Variants in ASPH observed in about 807,000 individuals in gnomAD.
The protein encoded by ASPH is aspartate beta-hydroxylase, also known as aspartyl/asparaginyl beta-hydroxylase.
ASPH carries 100 observed loss-of-function variants against 118.4 expected under a neutral mutation model. That is an observed-to-expected ratio of 0.84 (90% CI 0.72 to 1.00). The LOEUF (loss-of-function observed/expected upper bound fraction) is 1.00. Ranked by LOEUF, ASPH falls within the 50% of genes least tolerant of loss-of-function variation. The probability of loss-of-function intolerance (pLI) is 0.00; values close to 1 mark genes in which losing one functional copy is unlikely to be tolerated. For synonymous variants in ASPH, 315 were observed against 325.6 expected, an observed-to-expected ratio of 0.97 and a Z score of 0.35; for missense variants, 920 against 919.5, an observed-to-expected ratio of 1.00 and a Z score of -0.01.
At chr8:61,607,678 G>A (rs1173065058) in intron 14 of ASPH, among the ~76,000 whole-genome samples, 1 of 151,982 alleles carries the variant, frequency 6.6e-6, no homozygotes, top group Non-Finnish European at 1.5e-5. Flanking sequence ...TCGGTCTATG[G>A]CAATGACCCA....
intron 1 of ASPH, among the ~76,000 whole-genome samples, chr8:61,685,127 C>T (rs1230409057): frequency 2.0e-5 from 3 of 152,072 alleles, no homozygotes; most frequent in Non-Finnish European, 4.4e-5. Context: ...GTGATCCTCA[C>T]GGTGTCCTGC....
Position 61,553,137 on chromosome 8 carries a change from G to A in ASPH, c.1537-17C>T, listed in dbSNP as rs1243949352. 2 of 1,546,390 alleles carry A rather than the reference G, an allele frequency of 1.3e-6. No individual in the cohort carries two copies. Among genetic ancestry groups the A allele is most frequent in the Admixed American group, 1.7e-5 (1 of 59,060 alleles). ...TATTCCTTCCTGTAGAAAGGACAGT[G>A]TTAGTATGGGTAAAATAATTAAATA... On this transcript the variant is annotated splice_polypyrimidine_tract_variant and intron_variant, in intron 19 of 24. Transcript: ENST00000379454.
intron 13 of ASPH, among the ~76,000 whole-genome samples, chr8:61,630,341 T>C (rs1311455605): frequency 6.6e-6 from 1 of 152,118 alleles, no homozygotes; most frequent in Non-Finnish European, 1.5e-5. Flanking sequence ...GTAGGCCCTA[T>C]AATTAGTGTT....
intron 24 of ASPH, among the ~76,000 whole-genome samples, chr8:61,507,382 G>A (rs994979176): frequency 6.6e-6 from 1 of 152,212 alleles, no homozygotes; most frequent in Non-Finnish European, 1.5e-5. Context: ...GAAAGTGAGT[G>A]CTGTCGGACT....
Position 61,526,049 on chromosome 8 carries a change from C to CT in ASPH, c.1827dup (p.Gly610ArgfsTer6). On this transcript the variant is annotated frameshift_variant, in exon 22 of 25. Transcript: ENST00000379454. LOFTEE classifies it high-confidence loss of function. ...TTTTCATCCTCAGGCAGGAAGAGAC[C>CT]TTTGGCTTTATCCATCACTGCAAGG... 1 of 1,614,026 alleles carries CT rather than the reference C, an allele frequency of 6.2e-7. No individual in the cohort carries two copies. Among genetic ancestry groups the CT allele is most frequent in the Non-Finnish European group, 8.5e-7 (1 of 1,179,930 alleles).
At chr8:61,661,858 T>C (rs1191644675) in intron 3 of ASPH, 3 of 422,182 alleles carry the variant, frequency 7.1e-6, no homozygotes, top group South Asian at 1.4e-4. Context: ...TGCTGATTGA[T>C]TTATGTCAAT....
At chr8:61,691,962 A>T (rs1398418552) in intron 1 of ASPH, among the ~76,000 whole-genome samples, 1 of 152,172 alleles carries the variant, frequency 6.6e-6, no homozygotes, top group Non-Finnish European at 1.5e-5. Context: ...CTCCACTCCA[A>T]ATTACAGAAT....
chr8:61,553,944 G>A, intron 19 of ASPH, among the ~76,000 whole-genome samples: 1 of 152,202 alleles, frequency 6.6e-6, no homozygotes, highest in East Asian at 1.9e-4. Context: ...TGTTGGAAAT[G>A]AGCAAGCTGC....
intron 3 of ASPH, among the ~76,000 whole-genome samples, chr8:61,666,343 A>G (rs1442349355): frequency 6.6e-6 from 1 of 152,204 alleles, no homozygotes; most frequent in Non-Finnish European, 1.5e-5. Flanking sequence ...ATCTCATGGA[A>G]GGTATTGCTT....
At chr8:61,515,047 G>T (rs572384080) in intron 24 of ASPH, among the ~76,000 whole-genome samples, 128 of 149,426 alleles carry the variant, frequency 8.6e-4, no homozygotes, top group Non-Finnish European at 1.7e-3. Flanking sequence ...GGAAAGAAGG[G>T]AGGGAGGGAG....
intron 16 of ASPH, among the ~76,000 whole-genome samples, chr8:61,572,149 A>T (rs1447014066): frequency 1.3e-5 from 2 of 152,214 alleles, no homozygotes; most frequent in Non-Finnish European, 2.9e-5. Flanking sequence ...GTTCAGAACA[A>T]AATTCACTTG....
intron 1 of ASPH, among the ~76,000 whole-genome samples, chr8:61,705,599 G>A (rs1484990834): frequency 6.6e-6 from 1 of 152,196 alleles, no homozygotes; most frequent in Admixed American, 6.5e-5. Flanking sequence ...TAGTACAATG[G>A]CTGCCTCTGG....
rs200531883 is a variant in ASPH at position 61,501,068 on chromosome 8, T to TCAAA, written c.*2287_*2290dup. On this transcript the variant is annotated 3_prime_UTR_variant, in exon 25 of 25. Coordinates refer to ENST00000379454, the MANE Select transcript of ASPH (RefSeq NM_004318.4). ...GTTGAAACAGAATTAAAAATATTTC[T>TCAAA]CAAACAACTGTATCACAATATAAAT... The TCAAA allele has an allele frequency of 0.01, 1,592 of 152,274 alleles. 26 individuals carry two copies. Among genetic ancestry groups the TCAAA allele is most frequent in the African/African-American group, 0.036 (1,485 of 41,560 alleles). The allele number at this position is 152,274 out of a possible 1,614,324, so 9.4% of individuals were successfully genotyped here. A position where few individuals can be genotyped will look rare whatever the true frequency, so the allele number is the denominator to read the frequency against.
chr8:61,518,670 C>T (rs187401956), intron 22 of ASPH, among the ~76,000 whole-genome samples: 11 of 152,174 alleles, frequency 7.2e-5, no homozygotes, highest in Non-Finnish European at 1.2e-4. Context: ...CAGTACTGTA[C>T]GGTATTTTAT....
rs1241154215 is a variant in ASPH, at chr8:61,500,766, G to A, written c.*2593C>T. On this transcript the variant is annotated 3_prime_UTR_variant, in exon 25 of 25. Coordinates refer to ENST00000379454, the MANE Select transcript of ASPH (RefSeq NM_004318.4). The stretch of plus-strand genomic sequence containing the variant: ...GGGTATTTATTAGTATTACCAGTTG[G>A]TGCTCAAAGTCAAACAAAAATATTT... 5 of 152,080 alleles carry A rather than the reference G, an allele frequency of 3.3e-5. No individual in the cohort carries two copies. Among genetic ancestry groups the A allele is most frequent in the South Asian group, 2.1e-4 (1 of 4,824 alleles). 9.4% of individuals were successfully genotyped at this position (152,080 alleles called of 1,614,324 possible).
At chr8:61,546,636 C>T (rs186109992) in intron 21 of ASPH, among the ~76,000 whole-genome samples, 6 of 152,266 alleles carry the variant, frequency 3.9e-5, no homozygotes, top group African/African-American at 1.4e-4. Context: ...CAATGGCAGC[C>T]TATTTTACAA....
At chr8:61,619,099 G>A in intron 13 of ASPH, 80 bp from the exon 14 acceptor site, 2 of 1,009,100 alleles carry the variant, frequency 2.0e-6, no homozygotes, top group Non-Finnish European at 2.9e-6. Flanking sequence ...ATATTTAAAT[G>A]AATTCAATAA....
At chr8:61,703,706 C>T (rs571206408) in intron 1 of ASPH, among the ~76,000 whole-genome samples, 5 of 152,238 alleles carry the variant, frequency 3.3e-5, no homozygotes, top group African/African-American at 7.2e-5. Context: ...AGTTGGTCTA[C>T]GGAGTCAATG....
intron 3 of ASPH, chr8:61,663,872 A>C (rs1818174235): frequency 1.0e-6 from 1 of 958,556 alleles, no homozygotes; most frequent in Non-Finnish European, 1.2e-6. Context: ...CCTAAGAAAA[A>C]GGTGTACAAT....
Sources: allele counts gnomAD v4.1 joint callset (sites outside exome capture counted in the v4.1 genomes callset), GRCh38; gene constraint gnomAD v4.1.1; transcripts MANE v1.5; gene names NCBI Gene and HGNC (gene_info 2026-07-23, HGNC 2026-07-21).